The following TMTC1 variants were observed in gnomAD, a reference collection of about 807,000 sequenced individuals.
TMTC1 encodes the protein protein O-mannosyl-transferase TMTC1.
In TMTC1, 73 loss-of-function variants were observed where a neutral mutation model predicts 104.8. That is an observed-to-expected ratio of 0.70 (90% CI 0.58 to 0.85). The LOEUF is 0.85. TMTC1 is among the 40% of genes least tolerant of loss of function. TMTC1 has a pLI of 0.00. For synonymous variants in TMTC1, 434 were observed against 428.7 expected (o/e 1.01, Z -0.15); for missense variants, 1,035 against 1,096.1 (o/e 0.94, Z 0.79).
chr12:29,582,119 AGACT>A (rs879783403), intron 8 of TMTC1, among the ~76,000 whole-genome samples: 14 of 152,370 alleles, frequency 9.2e-5, no homozygotes, highest in Admixed American at 2.6e-4. Flanking sequence ...CATGCATGCC[AGACT>A]GACTTTTTGT....
intron 5 of TMTC1, among the ~76,000 whole-genome samples, chr12:29,735,252 G>A (rs1942641248): frequency 6.6e-6 from 1 of 152,166 alleles, no homozygotes; most frequent in Non-Finnish European, 1.5e-5. Context: ...TGCTTGCACA[G>A]GAAAAACAGA....
In TMTC1 at chr12:29,502,944, AGCTCTTCAATCTGAGAACCT is replaced by A. The variant is rs1943626211; in HGVS notation, c.*3882_*3901del. 6.6e-6 allele frequency: 1 copy of A among 152,182 alleles called. No individual in the cohort carries two copies. Among genetic ancestry groups the A allele is most frequent in the African/African-American group, 2.4e-5 (1 of 41,448 alleles). The allele number at this position is 152,182 out of a possible 1,614,324, so 9.4% of individuals were successfully genotyped here. A position where few individuals can be genotyped will look rare whatever the true frequency, so the allele number is the denominator to read the frequency against. Reference sequence around the variant, plus strand: ...CAGATGTCAACTATCAGCTGAATGTAGCTCTTCAATCTGAGAACCTGGAATGTTTTACAATGAAAACAGGA... The same window carrying A: ...CAGATGTCAACTATCAGCTGAATGTAGGAATGTTTTACAATGAAAACAGGA... On this transcript the variant is annotated 3_prime_UTR_variant, in exon 18 of 18. Transcript: ENST00000539277.
chr12:29,653,067 T>C (rs1939597805), intron 5 of TMTC1, among the ~76,000 whole-genome samples: 1 of 151,010 alleles, frequency 6.6e-6, no homozygotes, highest in South Asian at 2.1e-4. Flanking sequence ...GAACTGTGTC[T>C]CATAAAAATA....
At chr12:29,518,753 C>G in intron 12 of TMTC1, 146 bp from the exon 13 acceptor site, 2 of 1,014,720 alleles carry the variant, frequency 2.0e-6, no homozygotes, top group Non-Finnish European at 2.7e-6. Flanking sequence ...GCTTGCATTT[C>G]AGCTTCTCAT....
intron 2 of TMTC1, among the ~76,000 whole-genome samples, chr12:29,761,423 C>T (rs552109895): frequency 1.8e-4 from 28 of 152,088 alleles, no homozygotes; most frequent in Middle Eastern, 6.8e-3. Flanking sequence ...ATTAGTGACT[C>T]TGGATAGAAA....
At chr12:29,744,337 C>T (rs1159716831) in intron 5 of TMTC1, among the ~76,000 whole-genome samples, 2 of 152,194 alleles carry the variant, frequency 1.3e-5, no homozygotes, top group African/African-American at 4.8e-5. Flanking sequence ...CAACATGGCA[C>T]ATGTATACAC....
chr12:29,689,998 C>T (rs757226520), intron 5 of TMTC1, among the ~76,000 whole-genome samples: 3 of 152,194 alleles, frequency 2.0e-5, no homozygotes, highest in Non-Finnish European at 2.9e-5. Flanking sequence ...AACAGCCATG[C>T]CCACACTTAG....
intron 5 of TMTC1, among the ~76,000 whole-genome samples, chr12:29,738,564 C>G (rs369756143): frequency 6.6e-6 from 1 of 152,196 alleles, no homozygotes; most frequent in South Asian, 2.1e-4. Context: ...TACTTCACAT[C>G]TGCTCATTTT....
chr12:29,710,707 G>A (rs11050402), intron 5 of TMTC1, among the ~76,000 whole-genome samples: 99,292 of 135,380 alleles, frequency 0.73, 36,875 homozygotes, highest in South Asian at 0.84. Context: ...TTATAAATAT[G>A]TATTTATAAT....
intron 15 of TMTC1, among the ~76,000 whole-genome samples, chr12:29,515,301 C>T (rs1431340592): frequency 6.6e-6 from 1 of 152,152 alleles, no homozygotes; most frequent in African/African-American, 2.4e-5. Context: ...CCAAAGATCC[C>T]TTCAAAGCAA....
intron 10 of TMTC1, among the ~76,000 whole-genome samples, chr12:29,543,820 G>C (rs922122203): frequency 6.6e-5 from 10 of 152,088 alleles, no homozygotes; most frequent in African/African-American, 2.4e-4. Context: ...AGCACACCTG[G>C]GAAATGTAAT....
intron 5 of TMTC1, among the ~76,000 whole-genome samples, chr12:29,729,014 A>G (rs1942479819): frequency 6.6e-6 from 1 of 150,946 alleles, no homozygotes; most frequent in African/African-American, 2.4e-5. Context: ...AAAAAAAAAA[A>G]AAAGCACTGC....
chr12:29,631,954 C>T (rs1446532983), intron 6 of TMTC1, among the ~76,000 whole-genome samples: 2 of 152,204 alleles, frequency 1.3e-5, no homozygotes, highest in Non-Finnish European at 2.9e-5. Context: ...TCAACTCGTG[C>T]ACGCATTGAA....
chr12:29,777,875 G>A (rs989361939), intron 1 of TMTC1, among the ~76,000 whole-genome samples: 7 of 152,196 alleles, frequency 4.6e-5, no homozygotes, highest in Non-Finnish European at 1.0e-4. Context: ...GCAACAGGCT[G>A]TGTCAAAATG....
chr12:29,652,085 T>C (rs1170611867), intron 5 of TMTC1, among the ~76,000 whole-genome samples: 1 of 152,160 alleles, frequency 6.6e-6, no homozygotes, highest in Non-Finnish European at 1.5e-5. Flanking sequence ...CTATAGGGGA[T>C]ATGAATGTGA....
intron 7 of TMTC1, among the ~76,000 whole-genome samples, chr12:29,599,124 G>C (rs895521566): frequency 1.3e-5 from 2 of 152,142 alleles, no homozygotes; most frequent in African/African-American, 4.8e-5. Flanking sequence ...TTATTTGAGA[G>C]CTACCATCAA....
At chr12:29,746,878 T>C (rs1460528944) in intron 5 of TMTC1, among the ~76,000 whole-genome samples, 3 of 152,194 alleles carry the variant, frequency 2.0e-5, no homozygotes, top group African/African-American at 7.2e-5. Flanking sequence ...ATGATCATCA[T>C]CCCATAAAGT....
At chr12:29,618,027 T>A (rs183192459) in intron 6 of TMTC1, among the ~76,000 whole-genome samples, 53 of 152,288 alleles carry the variant, frequency 3.5e-4, no homozygotes, top group African/African-American at 1.3e-3. Flanking sequence ...TAGAAGGCTA[T>A]GGCAATAATC....
At chr12:29,723,395 G>C (rs1003570880) in intron 5 of TMTC1, among the ~76,000 whole-genome samples, 8 of 152,134 alleles carry the variant, frequency 5.3e-5, no homozygotes, top group African/African-American at 1.4e-4. Context: ...ATTAAGACTA[G>C]GTAGTATTAG....
Sources: allele counts gnomAD v4.1 joint callset (sites outside exome capture counted in the v4.1 genomes callset), GRCh38; gene constraint gnomAD v4.1.1; transcripts MANE v1.5; gene names NCBI Gene and HGNC (gene_info 2026-07-23, HGNC 2026-07-21).